The following TMEM248 variants were observed in gnomAD, a reference collection of about 807,000 sequenced individuals.
The protein encoded by TMEM248 is transmembrane protein 248.
A neutral mutation model predicts 30.3 loss-of-function variants in TMEM248; 9 were observed. The ratio of observed to expected loss-of-function variants is 0.30; its 90% CI spans 0.18 to 0.52. The LOEUF (loss-of-function observed/expected upper bound fraction) is 0.52, where lower values mean the gene tolerates loss of function less well. Among genes scored for constraint, TMEM248 ranks in the 20% least tolerant of loss-of-function variants. The pLI, the probability that TMEM248 is intolerant of heterozygous loss-of-function variation, is 0.97. For missense variants in TMEM248, 338 were observed against 403.3 expected (o/e 0.84, Z 1.39); for synonymous variants, 184 against 154.4 (o/e 1.19, Z -1.42).
At chr7:66,953,687 C>G (rs930698591) in intron 6 of TMEM248, among the ~76,000 whole-genome samples, 8 of 152,010 alleles carry the variant, frequency 5.3e-5, no homozygotes, top group Non-Finnish European at 1.2e-4. Flanking sequence ...TCACTGCAGC[C>G]TCCGCCTCCC....
At chr7:66,931,771 C>T (rs1017035975) in intron 1 of TMEM248, among the ~76,000 whole-genome samples, 4 of 148,336 alleles carry the variant, frequency 2.7e-5, no homozygotes, top group Non-Finnish European at 4.4e-5. Flanking sequence ...AGTTATTGTG[C>T]CCAACCAGGA....
At chr7:66,922,254 G>C (rs1483640538) in intron 1 of TMEM248, 1 of 152,186 alleles carries the variant, frequency 6.6e-6, no homozygotes, top group Non-Finnish European at 1.5e-5. Context: ...AAGGTGAGCC[G>C]CTACGGGAGG....
At position 66,955,953 on chromosome 7, in the gene TMEM248, G is replaced by A. The variant is rs115464709; in HGVS notation, c.*431G>A. 334 of 163,552 alleles carry A rather than the reference G, an allele frequency of 2.0e-3. 2 individuals carry two copies. The highest frequency in any genetic ancestry group is 7.5e-3 in the African/African-American group (314 of 42,014). The allele number at this position is 163,552 out of a possible 1,614,324, so 10.1% of individuals were successfully genotyped here. A position where few individuals can be genotyped will look rare whatever the true frequency, so the allele number is the denominator to read the frequency against. ...TTGAAACAGTCTGCACCTTTGATAC[G>A]GTATTGCATTTCCAAAGCCACCAAT... On this transcript the variant is annotated 3_prime_UTR_variant, in exon 7 of 7. Transcript: ENST00000341567.
At chr7:66,929,919 G>A (rs913050876) in intron 1 of TMEM248, among the ~76,000 whole-genome samples, 1 of 152,150 alleles carries the variant, frequency 6.6e-6, no homozygotes, top group Non-Finnish European at 1.5e-5. Flanking sequence ...CCAGCATTTG[G>A]GAGGCTGACG....
intron 1 of TMEM248, among the ~76,000 whole-genome samples, chr7:66,927,500 C>G (rs1021467052): frequency 6.6e-6 from 1 of 151,352 alleles, no homozygotes; most frequent in African/African-American, 2.4e-5. Flanking sequence ...AGTGGTGTGA[C>G]CATAGCCGTG....
intron 5 of TMEM248, 114 bp from the exon 6 acceptor site, chr7:66,953,112 A>G: frequency 8.3e-7 from 1 of 1,205,602 alleles, no homozygotes. Flanking sequence ...CAGCTTAAGA[A>G]GAAAAGTTGT....
At chr7:66,951,633 A>G (rs1792272086) in intron 5 of TMEM248, among the ~76,000 whole-genome samples, 1 of 150,990 alleles carries the variant, frequency 6.6e-6, no homozygotes, top group Non-Finnish European at 1.5e-5. Context: ...TACCTATCTC[A>G]TCTAGTAGCT....
Position 66,929,426 on chromosome 7 carries a change from ATTTTTTTT to A in TMEM248, c.-19+7986_-19+7993del, listed in dbSNP as rs35126436. 2.7e-4 allele frequency among the ~76,000 whole-genome samples: 26 copies of A among 97,672 alleles called. 1 individual carries two copies. The highest frequency in any genetic ancestry group is 8.2e-4 in the African/African-American group (23 of 28,006). 64.1% of individuals were successfully genotyped at this position (97,672 alleles called of 152,430 possible). A position where few individuals can be genotyped will look rare whatever the true frequency, so the allele number is the denominator to read the frequency against. ...ACAATATCATGGAAATGAGAGACAA[ATTTTTTTT>A]TTTTTTTTTTTTTTTTTTTTGATAC... is the stretch of plus-strand genomic sequence containing the variant. On this transcript the variant is annotated intron_variant, in intron 1 of 6. Transcript: ENST00000341567.
At chr7:66,922,205 G>T (rs1010288436) in intron 1 of TMEM248, 3 of 152,346 alleles carry the variant, frequency 2.0e-5, no homozygotes, top group Middle Eastern at 6.8e-3. Context: ...GCTTTGTAAA[G>T]ATTGTGGCTT....
At chr7:66,955,457 A>G in intron 6 of TMEM248, 45 bp from the exon 7 acceptor site, 5 of 1,613,608 alleles carry the variant, frequency 3.1e-6, no homozygotes, top group Admixed American at 1.7e-5. Context: ...TGAGTTACCT[A>G]GGCTTCCCTT....
At chr7:66,951,246 C>A (rs1792262952) in intron 5 of TMEM248, 111 bp downstream of exon 5, 2 of 1,012,640 alleles carry the variant, frequency 2.0e-6, no homozygotes, top group African/African-American at 3.4e-5. Context: ...GTAAGCGTAT[C>A]CTCTGCCACT....
intron 1 of TMEM248, among the ~76,000 whole-genome samples, chr7:66,932,010 TAGTC>T: frequency 6.6e-6 from 1 of 151,124 alleles, no homozygotes; most frequent in East Asian, 2.0e-4. Flanking sequence ...TTCACCATGT[TAGTC>T]AGGATAGTCT....
intron 4 of TMEM248, among the ~76,000 whole-genome samples, chr7:66,949,422 C>T (rs1404759711): frequency 2.6e-5 from 4 of 152,026 alleles, no homozygotes; most frequent in Admixed American, 1.3e-4. Context: ...GAGCTGAGAT[C>T]GCGCCACTGC....
intron 4 of TMEM248, among the ~76,000 whole-genome samples, chr7:66,949,777 T>G (rs974685450): frequency 6.6e-6 from 1 of 152,034 alleles, no homozygotes. Context: ...TTGAGCAGCA[T>G]TCAGTGTTAC....
intron 1 of TMEM248, among the ~76,000 whole-genome samples, chr7:66,932,736 G>T (rs973996229): frequency 6.6e-6 from 1 of 150,986 alleles, no homozygotes; most frequent in African/African-American, 2.4e-5. Context: ...AGCTAGTCTC[G>T]AACTCCTGAG....
In TMEM248 at chr7:66,948,648, G is replaced by A. The variant is rs1792179444; in HGVS notation, c.550G>A (p.Ala184Thr). 6.2e-7 allele frequency: 1 copy of A among 1,613,956 alleles called. No individual in the cohort carries two copies. The highest frequency in any genetic ancestry group is 2.2e-5 in the East Asian group (1 of 44,896). ...TCACTGTGAGCAGGTGGTATTCACA[G>A]CCTGCATGACCCTCACGGCCAGCCC... ...HGHCEQVVFT[A>T]CMTLTASPGV... Residue 184 changes from alanine (A) to threonine (T), a missense_variant, in exon 4 of 7, where the codon GCC becomes ACC. Physicochemically the swap from Ala to Thr is moderately conservative, Grantham distance 58. Coordinates refer to ENST00000341567, the MANE Select transcript of TMEM248 (RefSeq NM_017994.5).
At chr7:66,934,913 G>T (rs1182428049) in intron 1 of TMEM248, among the ~76,000 whole-genome samples, 3 of 151,916 alleles carry the variant, frequency 2.0e-5, no homozygotes, top group Admixed American at 6.6e-5. Flanking sequence ...AAATTAGCCA[G>T]GCATGTTGGC....
At position 66,956,403 on chromosome 7, in the gene TMEM248, T is replaced by A. The variant is rs1792403821; in HGVS notation, c.*881T>A. The A allele has an allele frequency of 6.6e-6, 1 of 152,220 alleles. No individual in the cohort carries two copies. The highest frequency in any genetic ancestry group is 1.5e-5 in the Non-Finnish European group (1 of 68,038). The allele number at this position is 152,220 out of a possible 1,614,324, so 9.4% of individuals were successfully genotyped here. A position where few individuals can be genotyped will look rare whatever the true frequency, so the allele number is the denominator to read the frequency against. On this transcript the variant is annotated 3_prime_UTR_variant, in exon 7 of 7. Coordinates refer to ENST00000341567, the MANE Select transcript of TMEM248 (RefSeq NM_017994.5). ...TGGCTCTAGAGTTAGAGTGACTGTT[T>A]GCTCTTCTGCTTTCTGGAATGCAGA...
intron 5 of TMEM248, among the ~76,000 whole-genome samples, chr7:66,952,575 A>G (rs1297256711): frequency 6.6e-6 from 1 of 152,288 alleles, no homozygotes; most frequent in East Asian, 1.9e-4. Flanking sequence ...GGGAGCCCAG[A>G]GCTGTCCTGA....
Sources: allele counts gnomAD v4.1 joint callset (sites outside exome capture counted in the v4.1 genomes callset), GRCh38; gene constraint gnomAD v4.1.1; transcripts MANE v1.5; gene names NCBI Gene and HGNC (gene_info 2026-07-23, HGNC 2026-07-21).